Variants in SYF2 observed in about 807,000 individuals in gnomAD.
SYF2 encodes SYF2 pre-mRNA splicing factor, also known as pre-mRNA-splicing factor SYF2.
In SYF2, 21 loss-of-function variants were observed where a neutral mutation model predicts 32.7. That is an observed-to-expected ratio of 0.64 (90% CI 0.45 to 0.92). SYF2 has a LOEUF of 0.92. Ranked by LOEUF, SYF2 falls within the 40% of genes least tolerant of loss-of-function variation. SYF2 has a pLI of 0.00. For synonymous variants in SYF2, 114 were observed against 103.9 expected (o/e 1.10, Z -0.59); for missense variants, 278 against 296.5 (o/e 0.94, Z 0.46).
At chr1:25,227,751 A>G (rs1638541524) in intron 4 of SYF2, among the ~76,000 whole-genome samples, 1 of 152,160 alleles carries the variant, frequency 6.6e-6, no homozygotes, top group African/African-American at 2.4e-5. Context: ...TCATAGCACC[A>G]TGTTGGCATT....
intron 4 of SYF2, 55 bp downstream of exon 4, chr1:25,228,063 A>G (rs201066557): frequency 1.6e-4 from 235 of 1,425,506 alleles, no homozygotes; most frequent in Admixed American, 7.6e-4. Flanking sequence ...ACCAGAAACA[A>G]TGAAGGAAAT....
rs1434004730 is a variant in SYF2, at chr1:25,232,096, C to T, written c.132+8G>A. 2 of 1,613,082 alleles carry T rather than the reference C, an allele frequency of 1.2e-6. No individual in the cohort carries two copies. Among genetic ancestry groups the T allele is most frequent in the East Asian group, 2.2e-5 (1 of 44,868 alleles). On this transcript the variant is annotated splice_region_variant and intron_variant, in intron 2 of 6. Coordinates refer to ENST00000236273, the MANE Select transcript of SYF2 (RefSeq NM_015484.5). ...GACGGATCTAAGCCGGCCTCCAAGACTACTCACCCGCATCAGGTGCAGCTC... is the reference window on the plus strand; with the variant it reads ...GACGGATCTAAGCCGGCCTCCAAGATTACTCACCCGCATCAGGTGCAGCTC...
At chr1:25,224,617 C>G (rs892462342) in intron 6 of SYF2, among the ~76,000 whole-genome samples, 1 of 152,170 alleles carries the variant, frequency 6.6e-6, no homozygotes. Flanking sequence ...TCATTCTGCT[C>G]TACCTAATAG....
At position 25,225,082 on chromosome 1, in the gene SYF2, T is replaced by C. The variant is rs553808879; in HGVS notation, c.486A>G (p.Pro162=). The C allele has an allele frequency of 4.6e-5, 74 of 1,613,936 alleles. 3 individuals carry two copies. In the South Asian group the frequency reaches 7.7e-4, roughly 17 times the overall value. ...LREKHGEEFF[P]TSNSLLHGTH... ...TTCCATGAAGAAGACTATTGGATGTTGGGAAAAACTCTTCTCCACTGAAAA... is the reference window on the plus strand; with the variant it reads ...TTCCATGAAGAAGACTATTGGATGTCGGGAAAAACTCTTCTCCACTGAAAA... Residue 162 remains proline, a synonymous_variant, in exon 6 of 7, where the codon CCA becomes CCG. Transcript: ENST00000236273.
chr1:25,223,160 G>C lies in SYF2; in HGVS notation c.*106C>G. On this transcript the variant is annotated 3_prime_UTR_variant, in exon 7 of 7. Transcript: ENST00000236273. ...TTCTAAATGCTGAGTGAGAAGGCAT[G>C]GACTACTAAATTCTGGATTACTGAT... 2 of 1,038,438 alleles carry C rather than the reference G, an allele frequency of 1.9e-6. No homozygotes were observed. Among genetic ancestry groups the C allele is most frequent in the Non-Finnish European group, 2.8e-6 (2 of 714,192 alleles). The allele number at this position is 1,038,438 out of a possible 1,614,324, so 64.3% of individuals were successfully genotyped here.
intron 1 of SYF2, 83 bp from the exon 2 acceptor site, chr1:25,232,294 C>G: frequency 1.3e-6 from 2 of 1,582,442 alleles, no homozygotes; most frequent in Non-Finnish European, 1.7e-6. Context: ...CCGGTCCCCA[C>G]AGGCTGGGCC....
intron 5 of SYF2, 65 bp from the exon 6 acceptor site, chr1:25,225,165 A>G: frequency 2.0e-6 from 2 of 1,020,222 alleles, no homozygotes; most frequent in Non-Finnish European, 3.1e-6. Context: ...ATTTCAAACT[A>G]AAGTACCATA....
At chr1:25,224,937 G>A (rs1403961115) in intron 6 of SYF2, 65 bp downstream of exon 6, 13 of 1,087,820 alleles carry the variant, frequency 1.2e-5, no homozygotes, top group Non-Finnish European at 1.7e-5. Flanking sequence ...AGATATAGGT[G>A]CATATTCTAA....
chr1:25,223,919 C>T (rs560342807), intron 6 of SYF2, among the ~76,000 whole-genome samples: 47 of 152,184 alleles, frequency 3.1e-4, no homozygotes, highest in African/African-American at 3.9e-4. Context: ...ATAGGCCAGG[C>T]GCAGTGGCTC....
chr1:25,228,036 G>T, intron 4 of SYF2, 82 bp downstream of exon 4: 4 of 1,118,744 alleles, frequency 3.6e-6, no homozygotes, highest in Non-Finnish European at 5.4e-6. Context: ...AGCACAAGAG[G>T]CACATCCTTT....
rs772297557 is a variant in SYF2 at position 25,232,143 on chromosome 1, T to C, written c.93A>G (p.Glu31=). ...AAAELAAQKR[E]QRLRKFRELH... is the part of the protein sequence containing the mutation. Reference sequence around the variant, plus strand: ...GCTCCCGGAATTTGCGCAGTCTCTGTTCGCGCTTCTGAGCGGCCAGCTCCG... The same window carrying C: ...GCTCCCGGAATTTGCGCAGTCTCTGCTCGCGCTTCTGAGCGGCCAGCTCCG... Residue 31 remains glutamate (E), a synonymous_variant, in exon 2 of 7, where the codon GAA becomes GAG. Transcript: ENST00000236273. 3.7e-6 allele frequency: 6 copies of C among 1,614,024 alleles called. 1 individual carries two copies. The Admixed American group carries it at 1.0e-4, about 27-fold the overall frequency.
chr1:25,228,669 T>C (rs1046888655), intron 3 of SYF2, among the ~76,000 whole-genome samples: 3 of 152,228 alleles, frequency 2.0e-5, no homozygotes, highest in African/African-American at 7.2e-5. Flanking sequence ...TTTGGGAATA[T>C]ACTATGGTAT....
chr1:25,229,161 T>C (rs117756431), intron 2 of SYF2, 38 bp from the exon 3 acceptor site: 3 of 1,601,398 alleles, frequency 1.9e-6, no homozygotes, highest in East Asian at 2.2e-5. Context: ...AGCTAAAACA[T>C]GAAAATAAAT....
intron 6 of SYF2, among the ~76,000 whole-genome samples, chr1:25,223,926 G>A (rs1033652042): frequency 6.6e-6 from 1 of 152,114 alleles, no homozygotes; most frequent in African/African-American, 2.4e-5. Context: ...AGGCGCAGTG[G>A]CTCATGCCTG....
In SYF2 at chr1:25,228,136, G is replaced by C; in HGVS notation, c.358C>G (p.Pro120Ala). ...RWERKKKRKN[P>A]DLGFSDYAAA... ...ATCTGACCTGAAAATCCCAGATCAG[G>C]GTTTTTCCTCTTCTTTTTCCTCTCC... is the stretch of plus-strand genomic sequence containing the variant. Residue 120 changes from proline (P) to alanine (A), a missense_variant, in exon 4 of 7, where the codon CCT becomes GCT. By Grantham distance (27) the Pro-to-Ala change is conservative (BLOSUM62 -1). Transcript: ENST00000236273. 1 of 1,613,726 alleles carries C rather than the reference G, an allele frequency of 6.2e-7. No individual in the cohort carries two copies. The highest frequency in any genetic ancestry group is 8.5e-7 in the Non-Finnish European group (1 of 1,179,838).
chr1:25,231,964 C>A lies in SYF2; in HGVS notation c.132+140G>T, dbSNP rs1012243703. The A allele has an allele frequency of 7.0e-6, 6 of 854,272 alleles. No individual in the cohort carries two copies. In the African/African-American group the frequency reaches 8.4e-5, roughly 12 times the overall value. 52.9% of individuals were successfully genotyped at this position (854,272 alleles called of 1,614,324 possible). The stretch of plus-strand genomic sequence containing the variant: ...CCCAATGTGCTGCCAGGGTTGAGTA[C>A]CACCGAACAGAGCTTTCCTCTCAGA... On this transcript the variant is annotated intron_variant, in intron 2 of 6. Coordinates refer to ENST00000236273, the MANE Select transcript of SYF2 (RefSeq NM_015484.5).
intron 2 of SYF2, chr1:25,231,713 A>G: frequency 5.2e-6 from 1 of 194,000 alleles, no homozygotes; most frequent in Non-Finnish European, 1.1e-5. Flanking sequence ...ACAGAAGATT[A>G]TTATTTTTTA....
intron 3 of SYF2, 120 bp downstream of exon 3, chr1:25,228,878 C>A: frequency 3.2e-6 from 4 of 1,258,912 alleles, no homozygotes; most frequent in Non-Finnish European, 4.4e-6. Context: ...CTGAGCAGAG[C>A]CAGAATTTCA....
intron 2 of SYF2, chr1:25,230,202 T>A (rs1638599171): frequency 6.6e-6 from 1 of 152,200 alleles, no homozygotes; most frequent in South Asian, 2.1e-4. Context: ...CTCTAATGCT[T>A]TCCAAGTTCC....
Sources: gnomAD v4.1 joint callset for allele counts (sites outside exome capture counted in the v4.1 genomes callset) on GRCh38, gnomAD v4.1.1 for gene constraint, MANE v1.5 for transcripts, NCBI Gene and HGNC (gene_info 2026-07-23, HGNC 2026-07-21) for gene names.